KIF20B: variants seen among roughly 807,000 people sequenced by gnomAD.
KIF20B encodes kinesin-like protein KIF20B.
Under a neutral mutation model 232.5 loss-of-function variants are expected in KIF20B, and 188 were observed. That is an observed-to-expected ratio of 0.81 (90% confidence interval 0.72 to 0.91). The LOEUF (loss-of-function observed/expected upper bound fraction) is 0.91, where lower values mean the gene tolerates loss of function less well. Among genes scored for constraint, KIF20B ranks in the 40% least tolerant of loss-of-function variants. The pLI is 0.00. For missense variants in KIF20B, 2,154 were observed against 2,055.9 expected (o/e 1.05, Z -0.92); for synonymous variants, 712 against 683.0 (o/e 1.04, Z -0.66).
chr10:89,764,392 A>G (rs1451206707), intron 29 of KIF20B, among the ~76,000 whole-genome samples: 1 of 152,198 alleles, frequency 6.6e-6, no homozygotes, highest in East Asian at 1.9e-4. Flanking sequence ...CATGATTTAC[A>G]GTCCTTTGGG....
chr10:89,757,239 T>C (rs921519639), intron 26 of KIF20B, among the ~76,000 whole-genome samples: 1 of 151,838 alleles, frequency 6.6e-6, no homozygotes, highest in Non-Finnish European at 1.5e-5. Context: ...ATGGTTTTAA[T>C]GTGCTTTTCC....
At chr10:89,725,249 T>A in intron 15 of KIF20B, 91 bp downstream of exon 15, 2 of 1,150,718 alleles carry the variant, frequency 1.7e-6, no homozygotes, top group Non-Finnish European at 2.5e-6. Context: ...ACCAAGATAG[T>A]TTAGAATTAA....
At chr10:89,733,679 T>C (rs529186200) in intron 19 of KIF20B, among the ~76,000 whole-genome samples, 1 of 152,256 alleles carries the variant, frequency 6.6e-6, no homozygotes, top group South Asian at 2.1e-4. Flanking sequence ...ATTGCAAACA[T>C]AAGAAACGCT....
At chr10:89,710,245 A>G (rs912202979) in intron 5 of KIF20B, among the ~76,000 whole-genome samples, 180 bp downstream of exon 5, 3 of 146,152 alleles carry the variant, frequency 2.1e-5, no homozygotes, top group South Asian at 2.2e-4. Context: ...GGGGAGGGAC[A>G]GAGTCTCACT....
At position 89,717,585 on chromosome 10, in the gene KIF20B, ATG is replaced by A; in HGVS notation, c.1137_1138del (p.Cys379Ter). ...TTTTTTCTTAATTCAGATTATCTTT[ATG>A]TGATCTTGCTGGTTCAGAACGAACT... ...RVIRVSELSL[C>X]DLAGSERTMK... is the part of the protein sequence containing the mutation. On this transcript the variant is annotated frameshift_variant, in exon 11 of 33. Coordinates refer to ENST00000371728, the MANE Select transcript of KIF20B (RefSeq NM_001284259.2). LOFTEE classifies it high-confidence loss of function. The A allele has an allele frequency of 6.2e-7, 1 of 1,608,204 alleles. No homozygotes were observed. Among genetic ancestry groups the A allele is most frequent in the Non-Finnish European group, 8.5e-7 (1 of 1,177,636 alleles).
At chr10:89,758,202 A>T (rs1842170644) in intron 26 of KIF20B, among the ~76,000 whole-genome samples, 1 of 152,058 alleles carries the variant, frequency 6.6e-6, no homozygotes, top group South Asian at 2.1e-4. Context: ...TCTTAACAAT[A>T]TTGAGTATTT....
At position 89,739,111 on chromosome 10, in the gene KIF20B, A is replaced by C; in HGVS notation, c.3915+15A>C. On this transcript the variant is annotated intron_variant, in intron 21 of 32. Coordinates refer to ENST00000371728, the MANE Select transcript of KIF20B (RefSeq NM_001284259.2). ...TACAGAAAGAGGTAGGTTATTTGAAAAGTTATGTGGCCAGTTTATGATAAA... is the reference window on the plus strand; with the variant it reads ...TACAGAAAGAGGTAGGTTATTTGAACAGTTATGTGGCCAGTTTATGATAAA... The C allele has an allele frequency of 6.2e-7, 1 of 1,609,634 alleles. No homozygotes were observed.
chr10:89,718,286 G>A (rs909578343), intron 11 of KIF20B, among the ~76,000 whole-genome samples: 2 of 152,098 alleles, frequency 1.3e-5, no homozygotes, highest in Non-Finnish European at 2.9e-5. Flanking sequence ...CACTTTTGGA[G>A]GCCGAGGCAG....
chr10:89,731,665 C>T (rs977485442), intron 18 of KIF20B, among the ~76,000 whole-genome samples: 15 of 151,966 alleles, frequency 9.9e-5, no homozygotes, highest in African/African-American at 3.4e-4. Context: ...TATTTTGAAG[C>T]GGGGAAAAAT....
chr10:89,730,004 G>T (rs940972295), intron 18 of KIF20B, among the ~76,000 whole-genome samples: 5 of 152,064 alleles, frequency 3.3e-5, no homozygotes, highest in African/African-American at 9.7e-5. Context: ...AGCAGGCGTG[G>T]TATCTTATAA....
intron 6 of KIF20B, among the ~76,000 whole-genome samples, chr10:89,712,572 T>G (rs1335905166): frequency 2.0e-5 from 3 of 151,306 alleles, no homozygotes; most frequent in Non-Finnish European, 4.4e-5. Context: ...TTTTTCAGTA[T>G]TCATCTATTC....
chr10:89,755,304 CTTTT>C (rs1387188081), intron 26 of KIF20B, among the ~76,000 whole-genome samples: 5 of 152,082 alleles, frequency 3.3e-5, no homozygotes, highest in Admixed American at 3.3e-4. Flanking sequence ...TTGGCATTTC[CTTTT>C]TTTATGACTG....
rs752974843 is a variant in KIF20B, at chr10:89,725,131, C to T, written c.1974C>T (p.Asp658=). The change falls in exon 15 of 33, where the codon GAC becomes GAT. Residue 658 remains aspartate (D), a synonymous_variant. Coordinates refer to ENST00000371728, the MANE Select transcript of KIF20B (RefSeq NM_001284259.2). ...ACACTCGAGAAGAAGCAGCGAAAGACATTTGTGCCACAAAAGTTGAAACTG... is the reference window on the plus strand; with the variant it reads ...ACACTCGAGAAGAAGCAGCGAAAGATATTTGTGCCACAAAAGTTGAAACTG... The part of the protein sequence containing the change: ...KCDTREEAAK[D]ICATKVETEE... 59 of 1,613,778 alleles carry T rather than the reference C, an allele frequency of 3.7e-5. No individual in the cohort carries two copies. Among genetic ancestry groups the T allele is most frequent in the Non-Finnish European group, 4.9e-5 (58 of 1,179,920 alleles).
intron 31 of KIF20B, among the ~76,000 whole-genome samples, chr10:89,771,928 A>G (rs770817983): frequency 4.6e-5 from 7 of 151,742 alleles, no homozygotes; most frequent in East Asian, 1.9e-4. Context: ...TGTTACTTTC[A>G]TTTTGGCTTG....
At chr10:89,720,376 G>T (rs558139542) in intron 13 of KIF20B, among the ~76,000 whole-genome samples, 1 of 152,266 alleles carries the variant, frequency 6.6e-6, no homozygotes, top group African/African-American at 2.4e-5. Flanking sequence ...ATCACACCAA[G>T]AGCCACATGA....
intron 22 of KIF20B, 79 bp downstream of exon 22, chr10:89,744,006 T>G (rs1841860466): frequency 8.3e-7 from 1 of 1,207,004 alleles, no homozygotes; most frequent in African/African-American, 1.6e-5. Flanking sequence ...ACAAATTTGT[T>G]TTTAATAACA....
intron 19 of KIF20B, among the ~76,000 whole-genome samples, chr10:89,734,176 G>T (rs1398082535): frequency 2.6e-5 from 4 of 152,082 alleles, no homozygotes; most frequent in African/African-American, 9.7e-5. Flanking sequence ...TTGGGAGGCC[G>T]AGGTGGGTGG....
chr10:89,732,625 CAAAAT>C (rs1364572645), intron 18 of KIF20B, among the ~76,000 whole-genome samples: 1 of 152,074 alleles, frequency 6.6e-6, no homozygotes, highest in Non-Finnish European at 1.5e-5. Context: ...GGCTACAAAA[CAAAAT>C]AAATAGTTGA....
In KIF20B at chr10:89,737,843, T is replaced by C. The variant is rs1397484102; in HGVS notation, c.3002T>C (p.Ile1001Thr). The C allele has an allele frequency of 6.2e-7, 1 of 1,613,544 alleles. No individual in the cohort carries two copies. The highest frequency in any genetic ancestry group is 1.7e-5 in the Admixed American group (1 of 60,004). The change falls in exon 20 of 33, where the codon ATT (isoleucine) becomes ACT (threonine). Residue 1001 changes from isoleucine (I) to threonine (T), a missense_variant. Transcript: ENST00000371728. ...CGTACTCTTGATTCAGTTTCTCAGA[T>C]TTCAAACATAGATTTGCTCAATCTC... is the stretch of plus-strand genomic sequence containing the variant. ...ELRTLDSVSQISNIDLLNLRD... is the reference protein window; with the variant it reads ...ELRTLDSVSQTSNIDLLNLRD...
Sources: gnomAD v4.1 joint callset for allele counts (sites outside exome capture counted in the v4.1 genomes callset) on GRCh38, gnomAD v4.1.1 for gene constraint, MANE v1.5 for transcripts, NCBI Gene and HGNC (gene_info 2026-07-23, HGNC 2026-07-21) for gene names.